The following PLD5 variants were observed in gnomAD, a reference collection of about 807,000 sequenced individuals.
PLD5 encodes the protein phospholipase D family member 5.
A neutral mutation model predicts 61.1 loss-of-function variants in PLD5; 36 were observed. The observed-to-expected ratio is 0.59, with a 90% CI of 0.45 to 0.78. The LOEUF (loss-of-function observed/expected upper bound fraction) is 0.78, where lower values mean the gene tolerates loss of function less well. Ranked by LOEUF, PLD5 falls within the 30% of genes least tolerant of loss-of-function variation. The pLI is 0.00. For missense variants in PLD5, 515 were observed against 644.4 expected, an observed-to-expected ratio of 0.80 and a Z score of 2.17; for synonymous variants, 243 against 242.8, an observed-to-expected ratio of 1.00 and a Z score of -0.01.
intron 1 of PLD5, among the ~76,000 whole-genome samples, chr1:242,445,240 G>A (rs1162032101): frequency 6.6e-6 from 1 of 152,210 alleles, no homozygotes; most frequent in Non-Finnish European, 1.5e-5. Context: ...ACAGCGAGAA[G>A]GCATCATCTA....
chr1:242,527,135 T>TTTTTTTG (rs1669467531), upstream of PLD5, among the ~76,000 whole-genome samples: 1 of 71,286 alleles, frequency 1.4e-5, no homozygotes, highest in Non-Finnish European at 2.9e-5. Context: ...TTTTTTTTTT[T>TTTTTTTG]TTTTTTTTTT....
At chr1:242,423,186 T>TATC (rs1665240694) in intron 1 of PLD5, among the ~76,000 whole-genome samples, 1 of 152,134 alleles carries the variant, frequency 6.6e-6, no homozygotes, top group African/African-American at 2.4e-5. Context: ...TAACCAAAGG[T>TATC]ATCTGCGAAA....
chr1:242,511,952 T>C (rs891142978), intron 1 of PLD5, among the ~76,000 whole-genome samples: 8 of 152,148 alleles, frequency 5.3e-5, no homozygotes, highest in African/African-American at 1.7e-4. Context: ...GAAAGATACA[T>C]TGGGAATCTC....
At chr1:242,135,218 AATAT>A (rs540178453) in intron 5 of PLD5, among the ~76,000 whole-genome samples, 30 of 152,104 alleles carry the variant, frequency 2.0e-4, no homozygotes, top group African/African-American at 4.1e-4. Flanking sequence ...TCTGCACATA[AATAT>A]ATATATATGT....
rs144870574 is a variant in PLD5, at chr1:242,508,845, C to T, written c.189+15243G>A. Among the ~76,000 whole-genome samples the T allele has an allele frequency of 3.9e-3, 592 of 152,278 alleles. 4 individuals are homozygous for T. Among genetic ancestry groups the T allele is most frequent in the Non-Finnish European group, 6.3e-3 (431 of 68,036 alleles). ...CCTGTAATCCCAGAACTTTGGGAGG[C>T]CAAGGCAGGTGGATCACTTGAGATC... On this transcript the variant is annotated intron_variant, in intron 1 of 9. Transcript: ENST00000536534.
intron 8 of PLD5, among the ~76,000 whole-genome samples, chr1:242,101,309 C>CA (rs11457377): frequency 0.44 from 65,456 of 147,454 alleles, 14,421 homozygotes; most frequent in Middle Eastern, 0.54. Flanking sequence ...ATAGACAACT[C>CA]AAAAAAAAAA....
chr1:242,396,668 C>CTTT (rs200515376), intron 1 of PLD5, among the ~76,000 whole-genome samples: 1 of 125,148 alleles, frequency 8.0e-6, no homozygotes, highest in Non-Finnish European at 1.6e-5. Context: ...TCTTTCTTTT[C>CTTT]TTTTCTTTTT....
At chr1:242,421,518 T>C (rs1371677934) in intron 1 of PLD5, among the ~76,000 whole-genome samples, 1 of 152,182 alleles carries the variant, frequency 6.6e-6, no homozygotes, top group Non-Finnish European at 1.5e-5. Flanking sequence ...GATGTTCCAT[T>C]TCCCAAAGCA....
In PLD5 at chr1:242,370,832, G is replaced by T. The variant is rs977163178; in HGVS notation, c.190-22590C>A. Among the ~76,000 whole-genome samples the T allele has an allele frequency of 2.0e-5, 3 of 152,256 alleles. No individual in the cohort carries two copies. In the East Asian group the frequency reaches 5.8e-4, roughly 29 times the overall value. On this transcript the variant is annotated intron_variant, in intron 1 of 9. Transcript: ENST00000536534. ...AATGCCAACTGGTCTTTGATAAGGTGAGGGCTATTTTGGCCATCTGTATTC... is the reference window on the plus strand; with the variant it reads ...AATGCCAACTGGTCTTTGATAAGGTTAGGGCTATTTTGGCCATCTGTATTC...
At chr1:242,288,292 G>A in intron 3 of PLD5, 70 bp downstream of exon 3, 1 of 1,575,396 alleles carries the variant, frequency 6.3e-7, no homozygotes, top group African/African-American at 1.4e-5. Context: ...GAGGAGTGGA[G>A]GAGCAGAATA....
chr1:242,169,462 C>G (rs1666579633), intron 5 of PLD5, among the ~76,000 whole-genome samples: 1 of 152,318 alleles, frequency 6.6e-6, no homozygotes, highest in Non-Finnish European at 1.5e-5. Flanking sequence ...GAGATACCCT[C>G]CAGTGCCTAC....
intron 2 of PLD5, among the ~76,000 whole-genome samples, chr1:242,302,419 G>A (rs553407100): frequency 6.6e-5 from 10 of 152,276 alleles, no homozygotes; most frequent in African/African-American, 2.2e-4. Flanking sequence ...TCACCTTTTT[G>A]AGAATTGCTC....
chr1:242,296,623 T>G (rs1275727987), intron 2 of PLD5, among the ~76,000 whole-genome samples: 1 of 152,168 alleles, frequency 6.6e-6, no homozygotes, highest in African/African-American at 2.4e-5. Context: ...TTTCACTTTT[T>G]CCCCAAGACT....
intron 5 of PLD5, 121 bp downstream of exon 5, chr1:242,219,867 C>T: frequency 1.1e-5 from 12 of 1,125,618 alleles, no homozygotes; most frequent in Non-Finnish European, 1.4e-5. Flanking sequence ...CCTCTTAAAA[C>T]TACAGTTAAG....
chr1:242,480,945 G>A lies in PLD5; in HGVS notation c.189+43143C>T, dbSNP rs150501249. On this transcript the variant is annotated intron_variant, in intron 1 of 9. Coordinates refer to ENST00000536534, the MANE Select transcript of PLD5 (RefSeq NM_001372062.1). ...ACCAATTTAAAAAATAGTCTGGTAG[G>A]GTTTTTTTAATTTTAATAAATAAAA... Among the ~76,000 whole-genome samples, 1,050 of 151,914 alleles carry A rather than the reference G, an allele frequency of 6.9e-3. 16 individuals carry two copies. Among genetic ancestry groups the A allele is most frequent in the African/African-American group, 0.024 (984 of 41,424 alleles).
chr1:242,473,203 A>G (rs1401653641), intron 1 of PLD5, among the ~76,000 whole-genome samples: 1 of 152,222 alleles, frequency 6.6e-6, no homozygotes, highest in Non-Finnish European at 1.5e-5. Flanking sequence ...AAAGAGTAAG[A>G]CATACTTCTT....
At chr1:242,135,999 C>A (rs1333910439) in intron 5 of PLD5, among the ~76,000 whole-genome samples, 2 of 151,928 alleles carry the variant, frequency 1.3e-5, no homozygotes, top group African/African-American at 4.8e-5. Context: ...TGAACTTGTT[C>A]CTCGGGGTGG....
chr1:242,512,136 G>A (rs1182459470), intron 1 of PLD5, among the ~76,000 whole-genome samples: 2 of 151,922 alleles, frequency 1.3e-5, no homozygotes, highest in East Asian at 3.9e-4. Flanking sequence ...GTTTGGTTGG[G>A]TGCGGTGGTT....
chr1:242,378,412 GA>G (rs1276667775), intron 1 of PLD5, among the ~76,000 whole-genome samples: 1 of 152,200 alleles, frequency 6.6e-6, no homozygotes, highest in Non-Finnish European at 1.5e-5. Context: ...TCTGCAAGAT[GA>G]AAAGAGTTCT....
Sources: gnomAD v4.1 joint callset for allele counts (sites outside exome capture counted in the v4.1 genomes callset) on GRCh38, gnomAD v4.1.1 for gene constraint, MANE v1.5 for transcripts, NCBI Gene and HGNC (gene_info 2026-07-23, HGNC 2026-07-21) for gene names.